The following MYCBP2 variants were observed in gnomAD, a reference collection of about 807,000 sequenced individuals.
MYCBP2 encodes the protein MYC binding protein 2.
Under a neutral mutation model 525.3 loss-of-function variants are expected in MYCBP2, and 120 were observed. That is an observed-to-expected ratio of 0.23 (90% confidence interval 0.20 to 0.27). The LOEUF (loss-of-function observed/expected upper bound fraction) is 0.27. MYCBP2 is among the 10% of genes least tolerant of loss of function. MYCBP2 has a pLI of 1.00. For synonymous variants in MYCBP2, 1,894 were observed against 1,955.8 expected, an observed-to-expected ratio of 0.97 and a Z score of 0.83; for missense variants, 4,149 against 5,657.1, an observed-to-expected ratio of 0.73 and a Z score of 8.55.
chr13:77,143,295 C>G (rs906253058), intron 49 of MYCBP2, among the ~76,000 whole-genome samples: 17 of 152,146 alleles, frequency 1.1e-4, no homozygotes, highest in Admixed American at 1.1e-3. Flanking sequence ...TGGAGAAGAT[C>G]TGCTTTCAAT....
rs767577644 is a variant in MYCBP2, at chr13:77,288,414, T to G, written c.379-38A>C. The G allele has an allele frequency of 2.6e-6, 4 of 1,530,564 alleles. No individual in the cohort carries two copies. In the Admixed American group the frequency reaches 7.0e-5, roughly 27 times the overall value. The allele number at this position is 1,530,564 out of a possible 1,614,324, so 94.8% of individuals were successfully genotyped here. On this transcript the variant is annotated intron_variant, in intron 2 of 82. Coordinates refer to ENST00000544440, the MANE Select transcript of MYCBP2 (RefSeq NM_015057.5). ...ACAGAATATTTCCATTTCACACTCT[T>G]TTCTATCATCAAGTCCCATTTTACA... is the stretch of plus-strand genomic sequence containing the variant.
At position 77,078,948 on chromosome 13, in the gene MYCBP2, G is replaced by T. The variant is rs1319676758; in HGVS notation, c.11419-59C>A. 3 of 1,396,924 alleles carry T rather than the reference G, an allele frequency of 2.1e-6. No individual in the cohort carries two copies. In the African/African-American group the frequency reaches 4.3e-5, roughly 20 times the overall value. The allele number at this position is 1,396,924 out of a possible 1,614,324, so 86.5% of individuals were successfully genotyped here. A position where few individuals can be genotyped will look rare whatever the true frequency, so the allele number is the denominator to read the frequency against. ...ATATTCCTGCTTCAGAACTTACAAT[G>T]GTTTCTCATGACCTACTAATACCAC... On this transcript the variant is annotated intron_variant, in intron 65 of 82. Coordinates refer to ENST00000544440, the MANE Select transcript of MYCBP2 (RefSeq NM_015057.5).
chr13:77,087,224 A>G (rs2154114318), intron 62 of MYCBP2, among the ~76,000 whole-genome samples: 1 of 152,290 alleles, frequency 6.6e-6, no homozygotes, highest in South Asian at 2.1e-4. Flanking sequence ...ACCGAGGCCT[A>G]CAAGTCATAC....
chr13:77,177,337 T>TG (rs911655560), intron 35 of MYCBP2, among the ~76,000 whole-genome samples: 5 of 145,678 alleles, frequency 3.4e-5, no homozygotes, highest in African/African-American at 1.3e-4. Context: ...TTTCTTTCTT[T>TG]TTTTTTTTTT....
chr13:77,246,042 A>G (rs2069870313), intron 15 of MYCBP2, among the ~76,000 whole-genome samples: 1 of 152,002 alleles, frequency 6.6e-6, no homozygotes, highest in African/African-American at 2.4e-5. Context: ...ACTCCCAGAA[A>G]CTGACTTGGG....
chr13:77,103,760 C>G (rs1178055931), intron 55 of MYCBP2, among the ~76,000 whole-genome samples: 1 of 151,926 alleles, frequency 6.6e-6, no homozygotes, highest in Non-Finnish European at 1.5e-5. Flanking sequence ...GAACCGATTA[C>G]TATAATTTTC....
At chr13:77,059,447 A>C in intron 77 of MYCBP2, 76 bp downstream of exon 77, 1 of 1,112,648 alleles carries the variant, frequency 9.0e-7, no homozygotes. Context: ...GCTGAGCTAA[A>C]ACTCTTTTCT....
intron 62 of MYCBP2, among the ~76,000 whole-genome samples, chr13:77,085,522 C>G (rs2044096060): frequency 6.6e-6 from 1 of 152,182 alleles, no homozygotes; most frequent in South Asian, 2.1e-4. Flanking sequence ...TGTTATGGTA[C>G]TATACACAAA....
At chr13:77,092,093 A>AAC (rs1555326055) in intron 59 of MYCBP2, among the ~76,000 whole-genome samples, 1 of 151,510 alleles carries the variant, frequency 6.6e-6, no homozygotes, top group Non-Finnish European at 1.5e-5. Flanking sequence ...AAAAAAAAAA[A>AAC]AACCTCATTT....
chr13:77,280,724 T>C (rs1245592183), intron 3 of MYCBP2, among the ~76,000 whole-genome samples: 1 of 152,186 alleles, frequency 6.6e-6, no homozygotes, highest in African/African-American at 2.4e-5. Flanking sequence ...TGAATGGCAA[T>C]AGGCAACTCA....
At chr13:77,206,584 T>C (rs1182263965) in intron 24 of MYCBP2, 69 bp downstream of exon 24, 4 of 1,311,716 alleles carry the variant, frequency 3.0e-6, no homozygotes, top group East Asian at 2.5e-5. Context: ...TAAATTTAAA[T>C]ACTCTAAAAA....
Position 77,093,250 on chromosome 13 carries a change from G to A in MYCBP2, c.10282C>T (p.Pro3428Ser), listed in dbSNP as rs2154122551. Residue 3428 changes from proline to serine, a missense_variant, in exon 59 of 83, where the codon CCT (proline) becomes TCT (serine). Around this residue, in one of 21 missense-constraint regions of MYCBP2, gnomAD observed 509 missense variants for 789.4 expected, o/e 0.64. Transcript: ENST00000544440. ...GGAGTTACTGATATATACGGGGCAG[G>A]TACAGATGTTGAACGTAGATATCTC... The part of the protein sequence containing the change: ...EMRYLRSTSV[P>S]APYISVTPDA... 1 of 1,613,340 alleles carries A rather than the reference G, an allele frequency of 6.2e-7. No homozygotes were observed. Among genetic ancestry groups the A allele is most frequent in the Non-Finnish European group, 8.5e-7 (1 of 1,179,490 alleles).
chr13:77,061,839 ACT>A, intron 74 of MYCBP2, 49 bp from the exon 75 acceptor site: 1 of 1,490,546 alleles, frequency 6.7e-7, no homozygotes, highest in Non-Finnish European at 9.0e-7. Flanking sequence ...CAAGTCTCAG[ACT>A]CTCATACAAA....
At chr13:77,240,494 G>A (rs1049643723) in intron 17 of MYCBP2, among the ~76,000 whole-genome samples, 1 of 152,218 alleles carries the variant, frequency 6.6e-6, no homozygotes, top group Non-Finnish European at 1.5e-5. Context: ...TGTAGTCCCA[G>A]CTACTCAAGA....
intron 21 of MYCBP2, among the ~76,000 whole-genome samples, chr13:77,215,844 G>C (rs1454767374): frequency 1.3e-4 from 20 of 152,188 alleles, no homozygotes; most frequent in Non-Finnish European, 4.4e-5. Flanking sequence ...GCCTGCCAAA[G>C]TGCTGGGATT....
intron 48 of MYCBP2, among the ~76,000 whole-genome samples, chr13:77,145,105 G>A (rs990554148): frequency 5.9e-5 from 9 of 152,094 alleles, no homozygotes; most frequent in African/African-American, 1.7e-4. Flanking sequence ...TCTCTTCTCC[G>A]ATTTATATCA....
intron 52 of MYCBP2, among the ~76,000 whole-genome samples, chr13:77,131,950 GA>G (rs973081059): frequency 6.6e-5 from 10 of 151,890 alleles, no homozygotes; most frequent in Non-Finnish European, 1.2e-4. Flanking sequence ...GCAAATAAAA[GA>G]AAAAAATCTT....
At chr13:77,210,324 C>G (rs2063831922) in intron 23 of MYCBP2, among the ~76,000 whole-genome samples, 1 of 151,718 alleles carries the variant, frequency 6.6e-6, no homozygotes, top group Non-Finnish European at 1.5e-5. Flanking sequence ...TCCCGAGTAG[C>G]TGGGATTACA....
intron 46 of MYCBP2, among the ~76,000 whole-genome samples, chr13:77,153,741 C>T (rs1487680122): frequency 1.3e-5 from 1 of 74,456 alleles, no homozygotes; most frequent in Non-Finnish European, 2.5e-5. Flanking sequence ...ATAAGATTTC[C>T]TTAAAATAAA....
Sources: allele counts gnomAD v4.1 joint callset (sites outside exome capture counted in the v4.1 genomes callset), GRCh38; gene constraint gnomAD v4.1.1; regional missense constraint gnomAD v4.1.1; transcripts MANE v1.5; gene names NCBI Gene and HGNC (gene_info 2026-07-23, HGNC 2026-07-21).